SLIT3: variants seen among roughly 807,000 people sequenced by gnomAD.
The protein encoded by SLIT3 is slit guidance ligand 3.
A neutral mutation model predicts 184.0 loss-of-function variants in SLIT3; 68 were observed. That is an observed-to-expected ratio of 0.37 (90% CI 0.30 to 0.45). The LOEUF is 0.45. Ranked by LOEUF, SLIT3 falls within the 20% of genes least tolerant of loss-of-function variation. The probability of loss-of-function intolerance (pLI) is 1.00; values close to 1 mark genes in which losing one functional copy is unlikely to be tolerated. For missense variants in SLIT3, 1,707 were observed against 2,026.0 expected (o/e 0.84, Z 3.02); for synonymous variants, 831 against 828.6 (o/e 1.00, Z -0.05).
chr5:168,961,403 T>C (rs1368951038), intron 4 of SLIT3, among the ~76,000 whole-genome samples: 1 of 152,220 alleles, frequency 6.6e-6, no homozygotes, highest in Non-Finnish European at 1.5e-5. Flanking sequence ...ACAGACTCTA[T>C]GCTGTTTCTT....
chr5:169,020,930 A>C (rs1194009834), intron 4 of SLIT3, among the ~76,000 whole-genome samples: 1 of 152,206 alleles, frequency 6.6e-6, no homozygotes, highest in Non-Finnish European at 1.5e-5. Flanking sequence ...CCTCCAGGAA[A>C]TCATTATTTC....
intron 6 of SLIT3, among the ~76,000 whole-genome samples, chr5:168,833,626 A>G (rs1757950197): frequency 6.6e-6 from 1 of 152,218 alleles, no homozygotes; most frequent in African/African-American, 2.4e-5. Context: ...GCAAAATGCT[A>G]GAGATTAAAA....
At chr5:168,928,497 G>C (rs1761897687) in intron 4 of SLIT3, among the ~76,000 whole-genome samples, 1 of 152,156 alleles carries the variant, frequency 6.6e-6, no homozygotes, top group Admixed American at 6.5e-5. Context: ...CAAGTCCCAG[G>C]TCAGGCAACA....
At chr5:168,767,199 C>T (rs1434674135) in intron 14 of SLIT3, among the ~76,000 whole-genome samples, 2 of 152,218 alleles carry the variant, frequency 1.3e-5, no homozygotes, top group East Asian at 3.8e-4. Context: ...GCTCCTGGTT[C>T]TGAGGGGTAA....
chr5:168,746,805 C>T (rs112409627), intron 20 of SLIT3, among the ~76,000 whole-genome samples: 1,779 of 14,408 alleles, frequency 0.12, 278 homozygotes, highest in African/African-American at 0.22. Flanking sequence ...GTGGGTGTGG[C>T]GGTGTGTGGT....
intron 4 of SLIT3, among the ~76,000 whole-genome samples, chr5:168,971,930 G>C (rs1754590300): frequency 1.3e-5 from 2 of 152,328 alleles, no homozygotes; most frequent in East Asian, 3.9e-4. Flanking sequence ...ATGGACTTAG[G>C]TTATAGTTAG....
intron 4 of SLIT3, among the ~76,000 whole-genome samples, chr5:168,883,717 TG>T (rs1760053734): frequency 7.8e-6 from 1 of 128,830 alleles, no homozygotes; most frequent in South Asian, 2.8e-4. Flanking sequence ...TCCCCCACTG[TG>T]GGGTCAACGC....
At chr5:168,913,409 C>G (rs1291220919) in intron 4 of SLIT3, among the ~76,000 whole-genome samples, 2 of 152,158 alleles carry the variant, frequency 1.3e-5, no homozygotes, top group Non-Finnish European at 2.9e-5. Flanking sequence ...CGTAACCCAG[C>G]TGATTTATTC....
chr5:169,271,582 C>T (rs1766616798), intron 1 of SLIT3, among the ~76,000 whole-genome samples: 1 of 152,134 alleles, frequency 6.6e-6, no homozygotes, highest in Admixed American at 6.5e-5. Context: ...AACAATTTCA[C>T]CGCAACATAT....
chr5:169,140,607 C>G (rs905059675), intron 4 of SLIT3, among the ~76,000 whole-genome samples: 3 of 151,744 alleles, frequency 2.0e-5, no homozygotes, highest in Non-Finnish European at 4.4e-5. Flanking sequence ...AGTCTGAGAC[C>G]AGCCTGGACT....
intron 4 of SLIT3, among the ~76,000 whole-genome samples, chr5:168,902,020 T>C (rs984978957): frequency 1.8e-4 from 27 of 152,172 alleles, no homozygotes; most frequent in African/African-American, 6.3e-4. Flanking sequence ...TCCTGCCTTA[T>C]AGCTGGGACT....
intron 4 of SLIT3, among the ~76,000 whole-genome samples, chr5:168,907,102 C>A (rs1698643168): frequency 6.6e-6 from 1 of 152,194 alleles, no homozygotes; most frequent in Admixed American, 6.5e-5. Context: ...CTCAGGCAAT[C>A]CACTCGCCTT....
At chr5:168,799,839 G>T (rs1756703232) in intron 9 of SLIT3, among the ~76,000 whole-genome samples, 2 of 152,188 alleles carry the variant, frequency 1.3e-5, no homozygotes, top group African/African-American at 4.8e-5. Flanking sequence ...TCATTTTACA[G>T]ATGAGGAAAT....
intron 14 of SLIT3, among the ~76,000 whole-genome samples, chr5:168,771,908 C>T (rs113068589): frequency 1.2e-4 from 18 of 152,184 alleles, no homozygotes; most frequent in African/African-American, 4.1e-4. Context: ...CTGCACACAC[C>T]GTGAGGGTTG....
chr5:169,162,880 G>A (rs1762522737), intron 4 of SLIT3, among the ~76,000 whole-genome samples: 1 of 152,172 alleles, frequency 6.6e-6, no homozygotes, highest in Non-Finnish European at 1.5e-5. Context: ...AGGATTCACT[G>A]CCAAATCATA....
intron 3 of SLIT3, among the ~76,000 whole-genome samples, chr5:169,224,239 C>CA (rs1378152996): frequency 6.6e-6 from 1 of 151,960 alleles, no homozygotes; most frequent in African/African-American, 2.4e-5. Flanking sequence ...GTCAGGCATA[C>CA]AATAGGATAT....
chr5:168,813,618 C>T (rs1281108587), intron 8 of SLIT3, among the ~76,000 whole-genome samples: 2 of 152,182 alleles, frequency 1.3e-5, no homozygotes, highest in African/African-American at 4.8e-5. Flanking sequence ...AAAATAAATG[C>T]CTTCAACTGG....
chr5:168,805,887 A>G (rs150188966), intron 9 of SLIT3, among the ~76,000 whole-genome samples: 70 of 152,354 alleles, frequency 4.6e-4, no homozygotes, highest in Admixed American at 5.9e-4. Context: ...GTGTAGTATT[A>G]CATTTAGTTT....
chr5:168,810,599 C>A (rs1757127821), intron 8 of SLIT3, among the ~76,000 whole-genome samples: 1 of 152,216 alleles, frequency 6.6e-6, no homozygotes, highest in African/African-American at 2.4e-5. Flanking sequence ...ATACGCGTCT[C>A]CCCTCTGGGG....
Sources: gnomAD v4.1 joint callset for allele counts (sites outside exome capture counted in the v4.1 genomes callset) on GRCh38, gnomAD v4.1.1 for gene constraint, MANE v1.5 for transcripts, NCBI Gene and HGNC (gene_info 2026-07-23, HGNC 2026-07-21) for gene names.